The following FAM216B variants were observed in gnomAD, a reference collection of about 807,000 sequenced individuals.
FAM216B encodes the protein family with sequence similarity 216 member B.
A neutral mutation model predicts 12.9 loss-of-function variants in FAM216B; 11 were observed. That is an observed-to-expected ratio of 0.86 (90% CI 0.54 to 1.42). FAM216B has a LOEUF of 1.42. FAM216B is among the 40% of genes most tolerant of loss of function. The probability of loss-of-function intolerance (pLI) is 0.00; values close to 1 mark genes in which losing one functional copy is unlikely to be tolerated. For missense variants in FAM216B, 167 were observed against 162.9 expected (o/e 1.02, Z -0.14); for synonymous variants, 52 against 57.2 (o/e 0.91, Z 0.41).
In FAM216B at chr13:42,783,981, A is replaced by C. The variant is rs962116060; in HGVS notation, c.-14-73A>C. The C allele has an allele frequency of 6.7e-5, 57 of 854,368 alleles. No individual in the cohort carries two copies. The African/African-American group carries it at 8.9e-4, about 13-fold the overall frequency. 52.9% of individuals were successfully genotyped at this position (854,368 alleles called of 1,614,324 possible). On this transcript the variant is annotated intron_variant, in intron 1 of 3. Transcript: ENST00000313851. The stretch of plus-strand genomic sequence containing the variant: ...TAAAAATTCATTTACTTGCTTACTT[A>C]TTTACTTAAGTACATCCCCAAAATT...
chr13:42,788,976 A>C lies in FAM216B; in HGVS notation c.*186A>C. On this transcript the variant is annotated 3_prime_UTR_variant, in exon 4 of 4. Transcript: ENST00000313851. ...GAGGTTTAAGAGCAATGGAGCCGAG[A>C]GTAAGCAAGCCTTTCCACATAACAT... 1.9e-6 allele frequency: 1 copy of C among 520,558 alleles called. No individual in the cohort carries two copies. The highest frequency in any genetic ancestry group is 3.3e-5 in the Admixed American group (1 of 30,352). The allele number at this position is 520,558 out of a possible 1,614,324, so 32.2% of individuals were successfully genotyped here.
At chr13:42,785,317 AACTC>A (rs1189952444) in intron 2 of FAM216B, among the ~76,000 whole-genome samples, 4 of 152,202 alleles carry the variant, frequency 2.6e-5, no homozygotes, top group Non-Finnish European at 4.4e-5. Context: ...ACAAAACACT[AACTC>A]ACAGATTTCA....
Position 42,784,154 on chromosome 13 carries a change from T to C in FAM216B, c.87T>C (p.Thr29=), listed in dbSNP as rs1050631520. 3.3e-6 allele frequency: 5 copies of C among 1,501,046 alleles called. No individual in the cohort carries two copies. The highest frequency in any genetic ancestry group is 2.3e-5 in the East Asian group (1 of 43,712). 93.0% of individuals were successfully genotyped at this position (1,501,046 alleles called of 1,614,324 possible). A position where few individuals can be genotyped will look rare whatever the true frequency, so the allele number is the denominator to read the frequency against. The part of the protein sequence containing the change: ...FIRVPPSIYD[T]SLLKALNQGQ... ...GAGTTCCTCCCTCCATCTATGACAC[T>C]TCCTTACTAAAGGTATGGCTTTTTT... The change falls in exon 2 of 4, where the codon ACT becomes ACC. Residue 29 remains threonine, a synonymous_variant. Transcript: ENST00000313851.
In FAM216B at chr13:42,789,125, A is replaced by C. The variant is rs970980780; in HGVS notation, c.*335A>C. ...ACCAGAAAGGGCCAGGTCCTCTGTC[A>C]CTGGGTGACCATTTCTAGCAAACTA... On this transcript the variant is annotated 3_prime_UTR_variant, in exon 4 of 4. Coordinates refer to ENST00000313851, the MANE Select transcript of FAM216B (RefSeq NM_001318932.2). 14 of 190,658 alleles carry C rather than the reference A, an allele frequency of 7.3e-5. No homozygotes were observed. The highest frequency in any genetic ancestry group is 3.3e-4 in the African/African-American group (14 of 42,966). 11.8% of individuals were successfully genotyped at this position (190,658 alleles called of 1,614,324 possible). A position where few individuals can be genotyped will look rare whatever the true frequency, so the allele number is the denominator to read the frequency against.
chr13:42,786,637 A>T, intron 2 of FAM216B, 126 bp from the exon 3 acceptor site: 2 of 736,194 alleles, frequency 2.7e-6, no homozygotes, highest in Non-Finnish European at 3.5e-6. Flanking sequence ...GTTGCACATT[A>T]AAAAAAAAAA....
Position 42,788,590 on chromosome 13 carries a change from G to A in FAM216B, c.221-1G>A, listed in dbSNP as rs748839169. On this transcript the variant is annotated splice_acceptor_variant, in intron 3 of 3. Coordinates refer to ENST00000313851, the MANE Select transcript of FAM216B (RefSeq NM_001318932.2). LOFTEE classifies it high-confidence loss of function. ...AAGTTTCTCTCATTTCTTTCCCCTA[G>A]GCTATATTACTCAACGGGAAGCCTT... 5.0e-6 allele frequency: 8 copies of A among 1,607,024 alleles called. No homozygotes were observed. The highest frequency in any genetic ancestry group is 5.1e-6 in the Non-Finnish European group (6 of 1,176,788).
intron 1 of FAM216B, among the ~76,000 whole-genome samples, chr13:42,783,401 T>A (rs1429987464): frequency 6.6e-6 from 1 of 151,892 alleles, no homozygotes; most frequent in Non-Finnish European, 1.5e-5. Context: ...GTATGCCTTA[T>A]CCAAAATGCT....
intron 2 of FAM216B, among the ~76,000 whole-genome samples, chr13:42,786,511 A>T (rs971506001): frequency 6.6e-6 from 1 of 152,168 alleles, no homozygotes; most frequent in African/African-American, 2.4e-5. Context: ...GATGTCCCTC[A>T]GTTCAAGACA....
chr13:42,788,863 T>C lies in FAM216B; in HGVS notation c.*73T>C. 7.4e-7 allele frequency: 1 copy of C among 1,349,708 alleles called. No homozygotes were observed. The highest frequency in any genetic ancestry group is 1.0e-6 in the Non-Finnish European group (1 of 985,606). The allele number at this position is 1,349,708 out of a possible 1,614,324, so 83.6% of individuals were successfully genotyped here. ...GTATCTAGTGGGTGCTTTGTGCATA[T>C]TTGTTGAATGACAGTGAATAATTTC... On this transcript the variant is annotated 3_prime_UTR_variant, in exon 4 of 4. Coordinates refer to ENST00000313851, the MANE Select transcript of FAM216B (RefSeq NM_001318932.2).
At position 42,782,685 on chromosome 13, in the gene FAM216B, A is replaced by G. The variant is rs554419044; in HGVS notation, c.-15+1021A>G. 2.0e-5 allele frequency among the ~76,000 whole-genome samples: 3 copies of G among 152,274 alleles called. No individual in the cohort carries two copies. In the South Asian group the frequency reaches 6.2e-4, roughly 32 times the overall value. ...ATATGTCTATTCTTGCTGGATTGTT[A>G]AATTCATATTATTATACACACTTCA... is the stretch of plus-strand genomic sequence containing the variant. On this transcript the variant is annotated intron_variant, in intron 1 of 3. Coordinates refer to ENST00000313851, the MANE Select transcript of FAM216B (RefSeq NM_001318932.2).
intron 1 of FAM216B, among the ~76,000 whole-genome samples, chr13:42,782,696 A>T (rs750892674): frequency 9.2e-5 from 14 of 152,324 alleles, no homozygotes; most frequent in Non-Finnish European, 1.9e-4. Flanking sequence ...AATTCATATT[A>T]TTATACACAC....
At chr13:42,788,236 C>T (rs768511826) in intron 3 of FAM216B, among the ~76,000 whole-genome samples, 5 of 152,148 alleles carry the variant, frequency 3.3e-5, no homozygotes, top group Non-Finnish European at 4.4e-5. Flanking sequence ...CATGTGGCCT[C>T]AGCCCAATGA....
chr13:42,783,072 G>A (rs1477903931), intron 1 of FAM216B, among the ~76,000 whole-genome samples: 2 of 152,198 alleles, frequency 1.3e-5, no homozygotes, highest in Non-Finnish European at 1.5e-5. Context: ...CACTTTGGGA[G>A]CCTGAGGTGC....
chr13:42,786,032 G>A (rs1449466047), intron 2 of FAM216B, among the ~76,000 whole-genome samples: 1 of 152,110 alleles, frequency 6.6e-6, no homozygotes, highest in African/African-American at 2.4e-5. Flanking sequence ...AAAGACCTTT[G>A]GTGGCTCCTC....
Position 42,784,079 on chromosome 13 carries a change from C to A in FAM216B, c.12C>A (p.Asn4Lys), listed in dbSNP as rs777435097. MGQ[N>K]WKRQQKLWNV... The stretch of plus-strand genomic sequence containing the variant: ...GTATAGGATAAACGATGGGACAAAA[C>A]TGGAAAAGACAACAAAAGCTTTGGA... Residue 4 changes from asparagine (N) to lysine (K), a missense_variant, in exon 2 of 4, where the codon AAC becomes AAA. Physicochemically the swap from Asn to Lys is moderately conservative, Grantham distance 94 (BLOSUM62 0). Coordinates refer to ENST00000313851, the MANE Select transcript of FAM216B (RefSeq NM_001318932.2). 6.2e-6 allele frequency: 10 copies of A among 1,601,384 alleles called. No homozygotes were observed. The Admixed American group carries it at 8.6e-5, about 14-fold the overall frequency.
At chr13:42,785,338 C>T (rs534676357) in intron 2 of FAM216B, among the ~76,000 whole-genome samples, 3 of 152,174 alleles carry the variant, frequency 2.0e-5, no homozygotes, top group African/African-American at 7.2e-5. Flanking sequence ...TTCAGGCCCA[C>T]ACAAAATGTC....
chr13:42,790,519 T>C lies in FAM216B; in HGVS notation c.*1729T>C, dbSNP rs1365975265. Reference sequence around the variant, plus strand: ...CAGGTCCATAAGAAGGACAAATAGATCTAAGTTGGGCAAAAGATTCTATTT... The same window carrying C: ...CAGGTCCATAAGAAGGACAAATAGACCTAAGTTGGGCAAAAGATTCTATTT... On this transcript the variant is annotated 3_prime_UTR_variant, in exon 4 of 4. Transcript: ENST00000313851. 2.6e-5 allele frequency: 4 copies of C among 152,024 alleles called. No individual in the cohort carries two copies. The highest frequency in any genetic ancestry group is 9.7e-5 in the African/African-American group (4 of 41,386). 9.4% of individuals were successfully genotyped at this position (152,024 alleles called of 1,614,324 possible).
chr13:42,783,820 T>C (rs1873952292), intron 1 of FAM216B, among the ~76,000 whole-genome samples: 1 of 152,060 alleles, frequency 6.6e-6, no homozygotes, highest in Non-Finnish European at 1.5e-5. Context: ...ATTCCTTAAC[T>C]TCACAAATAA....
At chr13:42,785,074 C>A (rs564265264) in intron 2 of FAM216B, among the ~76,000 whole-genome samples, 17 of 152,212 alleles carry the variant, frequency 1.1e-4, no homozygotes, top group South Asian at 1.0e-3. Context: ...TGGAGTCCTG[C>A]TCTTGAAATT....
Sources: allele counts gnomAD v4.1 joint callset (sites outside exome capture counted in the v4.1 genomes callset), GRCh38; gene constraint gnomAD v4.1.1; transcripts MANE v1.5; gene names NCBI Gene and HGNC (gene_info 2026-07-23, HGNC 2026-07-21).